LEKR1: variants seen among roughly 807,000 people sequenced by gnomAD.
LEKR1 encodes the protein leucine, glutamate and lysine rich 1, also known as protein LEKR1.
In LEKR1, 59 loss-of-function variants were observed where a neutral mutation model predicts 72.4. That is an observed-to-expected ratio of 0.82 (90% confidence interval 0.66 to 1.01). The LOEUF is 1.01. Ranked by LOEUF, LEKR1 falls within the 50% of genes least tolerant of loss-of-function variation. The pLI is 0.00. For missense variants in LEKR1, 728 were observed against 759.2 expected, an observed-to-expected ratio of 0.96 and a Z score of 0.48; for synonymous variants, 257 against 263.2, an observed-to-expected ratio of 0.98 and a Z score of 0.23.
chr3:156,919,389 T>C (rs1723976102), intron 3 of LEKR1, among the ~76,000 whole-genome samples: 1 of 152,182 alleles, frequency 6.6e-6, no homozygotes, highest in Admixed American at 6.5e-5. Flanking sequence ...ATAGTGACTC[T>C]GTTCTTGGTT....
chr3:156,971,080 C>T (rs1244980911), intron 6 of LEKR1, among the ~76,000 whole-genome samples: 1 of 152,146 alleles, frequency 6.6e-6, no homozygotes, highest in Non-Finnish European at 1.5e-5. Flanking sequence ...CGCTACCTGA[C>T]TTCAAACTAT....
chr3:157,014,041 T>C (rs1733110730), intron 10 of LEKR1, among the ~76,000 whole-genome samples: 1 of 152,112 alleles, frequency 6.6e-6, no homozygotes, highest in Non-Finnish European at 1.5e-5. Flanking sequence ...TTTATTTATT[T>C]CAAGTATTAC....
At chr3:156,870,104 G>A (rs1395897401) in intron 3 of LEKR1, among the ~76,000 whole-genome samples, 2 of 152,042 alleles carry the variant, frequency 1.3e-5, no homozygotes, top group East Asian at 3.8e-4. Flanking sequence ...TTTAATTACT[G>A]TAGCCTTGTA....
At chr3:157,027,100 T>C (rs1309613940) in intron 11 of LEKR1, among the ~76,000 whole-genome samples, 5 of 152,216 alleles carry the variant, frequency 3.3e-5, no homozygotes, top group Non-Finnish European at 7.3e-5. Context: ...TTAGTCATAT[T>C]TCAGGTGCTC....
chr3:156,884,808 T>C (rs1212107135), intron 3 of LEKR1, among the ~76,000 whole-genome samples: 1 of 152,206 alleles, frequency 6.6e-6, no homozygotes. Context: ...GTGCTTCTTA[T>C]ATTTGGATGT....
chr3:156,878,181 G>T (rs1432110609), intron 3 of LEKR1, among the ~76,000 whole-genome samples: 1 of 151,422 alleles, frequency 6.6e-6, no homozygotes, highest in African/African-American at 2.4e-5. Context: ...GGTTTGGTTT[G>T]TTCCTGTTTC....
At chr3:156,971,431 C>T (rs1729180035) in intron 6 of LEKR1, among the ~76,000 whole-genome samples, 2 of 152,136 alleles carry the variant, frequency 1.3e-5, no homozygotes, top group Non-Finnish European at 2.9e-5. Context: ...TAGGCATGGG[C>T]AAGGACTTCA....
At chr3:157,036,708 CA>C (rs1734992712) in intron 12 of LEKR1, among the ~76,000 whole-genome samples, 1 of 152,080 alleles carries the variant, frequency 6.6e-6, no homozygotes, top group Non-Finnish European at 1.5e-5. Context: ...AGGATTACAG[CA>C]GTGCATCAGA....
chr3:157,008,949 C>A (rs1732677360), intron 9 of LEKR1, among the ~76,000 whole-genome samples: 1 of 152,120 alleles, frequency 6.6e-6, no homozygotes, highest in East Asian at 1.9e-4. Context: ...ATTTTGATAG[C>A]AATTAATAAT....
chr3:156,929,524 A>G (rs531519359), intron 5 of LEKR1, among the ~76,000 whole-genome samples: 1 of 152,282 alleles, frequency 6.6e-6, no homozygotes, highest in East Asian at 1.9e-4. Flanking sequence ...ACACAGAACT[A>G]GTGCTCAAAC....
chr3:157,008,384 A>T (rs1732629560), intron 9 of LEKR1, among the ~76,000 whole-genome samples: 1 of 152,220 alleles, frequency 6.6e-6, no homozygotes, highest in Non-Finnish European at 1.5e-5. Context: ...CTCTGGCTGT[A>T]TCAATAATTG....
At chr3:156,989,756 C>T (rs1346005705) in intron 7 of LEKR1, among the ~76,000 whole-genome samples, 1 of 152,028 alleles carries the variant, frequency 6.6e-6, no homozygotes, top group African/African-American at 2.4e-5. Flanking sequence ...CATTTTAACT[C>T]ATTTGCTTTC....
intron 3 of LEKR1, among the ~76,000 whole-genome samples, chr3:156,857,871 C>T (rs1176257479): frequency 6.6e-6 from 1 of 152,178 alleles, no homozygotes; most frequent in African/African-American, 2.4e-5. Context: ...CTAGGTTATA[C>T]TTATCTTTTC....
chr3:156,832,667 A>G (rs1712573376), intron 2 of LEKR1, among the ~76,000 whole-genome samples: 1 of 152,160 alleles, frequency 6.6e-6, no homozygotes, highest in Non-Finnish European at 1.5e-5. Flanking sequence ...AATTGGGTGA[A>G]TTTCTCTCTT....
intron 3 of LEKR1, among the ~76,000 whole-genome samples, chr3:156,893,340 G>T (rs551058217): frequency 6.6e-6 from 1 of 152,122 alleles, no homozygotes; most frequent in Non-Finnish European, 1.5e-5. Context: ...TTATTTGGTT[G>T]TATCTGTGTA....
At chr3:156,883,183 A>G (rs1283776529) in intron 3 of LEKR1, among the ~76,000 whole-genome samples, 1 of 152,078 alleles carries the variant, frequency 6.6e-6, no homozygotes, top group Non-Finnish European at 1.5e-5. Flanking sequence ...AGAAAAAAAA[A>G]GATTTGACTG....
chr3:156,863,816 T>C (rs543844558), intron 3 of LEKR1, among the ~76,000 whole-genome samples: 2 of 152,144 alleles, frequency 1.3e-5, no homozygotes, highest in Admixed American at 6.6e-5. Context: ...GAGACTGTCA[T>C]TGGAGGCACC....
At chr3:156,908,081 G>A (rs1227922970) in intron 3 of LEKR1, among the ~76,000 whole-genome samples, 1 of 152,112 alleles carries the variant, frequency 6.6e-6, no homozygotes, top group African/African-American at 2.4e-5. Context: ...CAAAAATGAT[G>A]TGCCCTTCTC....
At chr3:156,899,178 T>A (rs796118110) in intron 3 of LEKR1, among the ~76,000 whole-genome samples, 1 of 151,358 alleles carries the variant, frequency 6.6e-6, no homozygotes, top group Non-Finnish European at 1.5e-5. Context: ...TTGGTAATTA[T>A]CAGTACAAAT....
Sources: gnomAD v4.1 joint callset for allele counts (sites outside exome capture counted in the v4.1 genomes callset) on GRCh38, gnomAD v4.1.1 for gene constraint, MANE v1.5 for transcripts, NCBI Gene and HGNC (gene_info 2026-07-23, HGNC 2026-07-21) for gene names.